The following CREB5 variants were observed in gnomAD, a reference collection of about 807,000 sequenced individuals.
The protein encoded by CREB5 is cyclic AMP-responsive element-binding protein 5.
In CREB5, 19 loss-of-function variants were observed where a neutral mutation model predicts 57.1. That is an observed-to-expected ratio of 0.33 (90% CI 0.23 to 0.49). The LOEUF is 0.49. Among genes scored for constraint, CREB5 ranks in the 20% least tolerant of loss-of-function variants. The pLI, the probability that CREB5 is intolerant of heterozygous loss-of-function variation, is 0.99. For synonymous variants in CREB5, 238 were observed against 238.3 expected (o/e 1.00, Z 0.01); for missense variants, 579 against 671.6 (o/e 0.86, Z 1.52).
chr7:28,658,979 A>ATATATATATATATATATATATATG (rs1491493080), intron 5 of CREB5, among the ~76,000 whole-genome samples: 13 of 90,558 alleles, frequency 1.4e-4, no homozygotes, highest in East Asian at 1.3e-3. Flanking sequence ...ATATATATAT[A>ATATATATATATATATATATATATG]TGTATATATA....
At chr7:28,785,552 C>T (rs1012846619) in intron 7 of CREB5, among the ~76,000 whole-genome samples, 6 of 152,146 alleles carry the variant, frequency 3.9e-5, no homozygotes, top group Non-Finnish European at 7.3e-5. Context: ...TCTGGGAAAA[C>T]GTCATGTCAT....
chr7:28,372,035 G>A (rs7782844), intron 1 of CREB5, among the ~76,000 whole-genome samples: 115,622 of 151,810 alleles, frequency 0.76, 44,284 homozygotes, highest in East Asian at 1. Context: ...GGGGAGTATC[G>A]AGCCCAGAAC....
intron 5 of CREB5, among the ~76,000 whole-genome samples, chr7:28,584,490 G>C (rs1796240594): frequency 6.6e-6 from 1 of 152,118 alleles, no homozygotes; most frequent in Admixed American, 6.5e-5. Flanking sequence ...TGTCTGCAGA[G>C]GCGTATATTG....
chr7:28,567,715 C>T (rs1292472101), intron 4 of CREB5, among the ~76,000 whole-genome samples: 1 of 152,058 alleles, frequency 6.6e-6, no homozygotes. Flanking sequence ...AGGGCATTGG[C>T]GTTAGAAAGC....
At chr7:28,412,324 T>A (rs572935298), upstream of CREB5, among the ~76,000 whole-genome samples, 2 of 151,850 alleles carry the variant, frequency 1.3e-5, no homozygotes, top group South Asian at 4.2e-4. Context: ...GTAGCGATAT[T>A]TTTTTTTATT....
chr7:28,702,854 G>A (rs1326692911), intron 5 of CREB5, among the ~76,000 whole-genome samples: 4 of 152,172 alleles, frequency 2.6e-5, no homozygotes, highest in African/African-American at 9.7e-5. Flanking sequence ...CCTAAAGGAT[G>A]AATGAGAATT....
rs1562717360 is a variant in CREB5, at chr7:28,440,137, C to CTCCA, written c.3+27220_3+27221insTCCA. Among the ~76,000 whole-genome samples, 3 of 152,282 alleles carry CTCCA rather than the reference C, an allele frequency of 2.0e-5. No homozygotes were observed. In the East Asian group the frequency reaches 5.8e-4, roughly 29 times the overall value. ...TTAGAACTCTCAGTTGTCCTCTCCA[C>CTCCA]GTGACAGTAAATTATTGCCAAATCT... On this transcript the variant is annotated intron_variant, in intron 1 of 10. Transcript: ENST00000357727.
intron 4 of CREB5, among the ~76,000 whole-genome samples, chr7:28,524,080 C>A (rs894996922): frequency 1.3e-5 from 2 of 152,178 alleles, no homozygotes; most frequent in African/African-American, 2.4e-5. Context: ...CCTCACTGAA[C>A]AAGATTACAT....
At chr7:28,422,600 T>C (rs1788316840) in intron 1 of CREB5, among the ~76,000 whole-genome samples, 2 of 152,182 alleles carry the variant, frequency 1.3e-5, no homozygotes, top group African/African-American at 4.8e-5. Flanking sequence ...GGCTCAATAA[T>C]GATGCTTAAC....
chr7:28,473,296 T>G (rs1790908588), intron 1 of CREB5, among the ~76,000 whole-genome samples: 1 of 152,166 alleles, frequency 6.6e-6, no homozygotes, highest in Non-Finnish European at 1.5e-5. Context: ...CATTCCAGCC[T>G]GGGCAACAGA....
At chr7:28,347,670 A>G (rs1261004606) in intron 1 of CREB5, among the ~76,000 whole-genome samples, 3 of 152,096 alleles carry the variant, frequency 2.0e-5, no homozygotes, top group African/African-American at 7.2e-5. Flanking sequence ...ATAGCTTGAA[A>G]TTTCAATGCA....
chr7:28,329,895 A>G (rs1785681799), intron 1 of CREB5, among the ~76,000 whole-genome samples: 1 of 152,258 alleles, frequency 6.6e-6, no homozygotes, highest in African/African-American at 2.4e-5. Context: ...AACAATTCCA[A>G]TAAGAGCAGA....
At chr7:28,818,722 C>G (rs1809583439) in intron 10 of CREB5, 5 of 460,262 alleles carry the variant, frequency 1.1e-5, no homozygotes, top group South Asian at 7.8e-5. Context: ...AGCAGGGATT[C>G]ATGGCTGAAG....
At chr7:28,652,432 T>C (rs1031493455) in intron 5 of CREB5, among the ~76,000 whole-genome samples, 15 of 152,338 alleles carry the variant, frequency 9.8e-5, no homozygotes, top group African/African-American at 3.6e-4. Flanking sequence ...CATGAGTATT[T>C]ATAGAAAGCC....
intron 4 of CREB5, among the ~76,000 whole-genome samples, chr7:28,569,126 T>C (rs2128647577): frequency 6.6e-6 from 1 of 152,102 alleles, no homozygotes; most frequent in South Asian, 2.1e-4. Context: ...TTACTTTGTT[T>C]GGCCAAGCAC....
intron 7 of CREB5, among the ~76,000 whole-genome samples, chr7:28,724,934 T>A (rs1287756783): frequency 6.6e-6 from 1 of 152,256 alleles, no homozygotes; most frequent in Non-Finnish European, 1.5e-5. Context: ...GATAGAGTTA[T>A]GCATCTATAT....
intron 1 of CREB5, among the ~76,000 whole-genome samples, chr7:28,376,029 C>T (rs1786815587): frequency 6.6e-6 from 1 of 152,170 alleles, no homozygotes; most frequent in Non-Finnish European, 1.5e-5. Context: ...TCTTGTCTCC[C>T]ACCATGCCCC....
chr7:28,478,772 G>T (rs1002789008), intron 1 of CREB5, among the ~76,000 whole-genome samples: 32 of 152,194 alleles, frequency 2.1e-4, no homozygotes, highest in Middle Eastern at 3.4e-3. Context: ...TGGACAGTGG[G>T]AGCTGTAGGT....
chr7:28,690,530 C>T (rs1279361046), intron 5 of CREB5, among the ~76,000 whole-genome samples: 4 of 152,204 alleles, frequency 2.6e-5, no homozygotes, highest in African/African-American at 4.8e-5. Flanking sequence ...GATTCAATCA[C>T]TCTTCTACTT....
Sources: allele counts gnomAD v4.1 joint callset (sites outside exome capture counted in the v4.1 genomes callset), GRCh38; gene constraint gnomAD v4.1.1; transcripts MANE v1.5; gene names NCBI Gene and HGNC (gene_info 2026-07-23, HGNC 2026-07-21).